Variants in ADCY10 observed in about 807,000 individuals in gnomAD.
The protein encoded by ADCY10 is adenylate cyclase type 10.
ADCY10 carries 156 observed loss-of-function variants against 183.3 expected under a neutral mutation model. The observed-to-expected ratio is 0.85, with a 90% CI of 0.75 to 0.97. The LOEUF is 0.97. ADCY10 is among the 50% of genes least tolerant of loss of function. The pLI, the probability that ADCY10 is intolerant of heterozygous loss-of-function variation, is 0.00. For synonymous variants in ADCY10, 645 were observed against 670.0 expected, an observed-to-expected ratio of 0.96 and a Z score of 0.58; for missense variants, 1,745 against 1,934.3, an observed-to-expected ratio of 0.90 and a Z score of 1.84.
chr1:167,848,538 T>C, intron 18 of ADCY10, 49 bp from the exon 19 acceptor site: 3 of 1,609,308 alleles, frequency 1.9e-6, no homozygotes, highest in Non-Finnish European at 2.5e-6. Context: ...TCCTGTCTTA[T>C]AAGGTCTGAT....
rs1429711428 is a variant in ADCY10 at position 167,856,175 on chromosome 1, C to A, written c.2161G>T (p.Glu721Ter). 1 of 1,613,980 alleles carries A rather than the reference C, an allele frequency of 6.2e-7. No homozygotes were observed. Among genetic ancestry groups the A allele is most frequent in the Non-Finnish European group, 8.5e-7 (1 of 1,179,858 alleles). Reference protein sequence around the residue: ...LDLNVSCISKELDSYLGEGSC... With the variant: ...LDLNVSCISK ...AAAGAGGTTACTTACGAGTCCAGTT[C>A]TTTGGAGATGCAGCTCACATTGAGG... Residue 721 changes from glutamate to a stop codon, truncating the protein, a stop_gained, in exon 17 of 33, where the codon GAA becomes TAA. Coordinates refer to ENST00000367851, the MANE Select transcript of ADCY10 (RefSeq NM_018417.6). LOFTEE classifies it high-confidence loss of function.
At chr1:167,910,059 A>G (rs955519247) in intron 1 of ADCY10, among the ~76,000 whole-genome samples, 5 of 152,200 alleles carry the variant, frequency 3.3e-5, no homozygotes, top group African/African-American at 9.7e-5. Flanking sequence ...TAAAAGGGCC[A>G]GGAACTGTTT....
At chr1:167,890,239 G>T (rs909069191) in intron 8 of ADCY10, among the ~76,000 whole-genome samples, 3 of 152,200 alleles carry the variant, frequency 2.0e-5, no homozygotes, top group Non-Finnish European at 2.9e-5. Flanking sequence ...CTTGGGTGTT[G>T]TGATCTAAGC....
chr1:167,874,712 C>T (rs1667332950), intron 13 of ADCY10, among the ~76,000 whole-genome samples: 1 of 152,248 alleles, frequency 6.6e-6, no homozygotes, highest in African/African-American at 2.4e-5. Context: ...CTGGAAATAA[C>T]CCAAATGTTG....
In ADCY10 at chr1:167,910,699, G is replaced by T. The variant is rs76038247; in HGVS notation, c.-59+3277C>A. Reference sequence around the variant, plus strand: ...TGACTGTAAACAGTATGTTCCGTAGGCATGGGTGCTCTGAAGTGGCTTCCA... The same window carrying T: ...TGACTGTAAACAGTATGTTCCGTAGTCATGGGTGCTCTGAAGTGGCTTCCA... On this transcript the variant is annotated intron_variant, in intron 1 of 32. Transcript: ENST00000367851. Among the ~76,000 whole-genome samples the T allele has an allele frequency of 4.5e-3, 686 of 152,266 alleles. 8 individuals carry two copies. In the East Asian group the frequency reaches 0.056, roughly 12 times the overall value.
At chr1:167,832,893 T>C (rs896855097) in intron 25 of ADCY10, 94 bp downstream of exon 25, 11 of 1,367,392 alleles carry the variant, frequency 8.0e-6, no homozygotes, top group Non-Finnish European at 1.0e-5. Flanking sequence ...TTGTGCCCCC[T>C]GGAGGCCAGG....
rs372074672 is a variant in ADCY10 at position 167,823,138 on chromosome 1, A to C, written c.4053-15T>G. On this transcript the variant is annotated splice_polypyrimidine_tract_variant and intron_variant, in intron 28 of 32. Transcript: ENST00000367851. ...ATTGCGGGTATCTATGGAAAAGAAA[A>C]GGTAGTGGCCATTAAAAAGTGGTGG... 11 of 1,609,510 alleles carry C rather than the reference A, an allele frequency of 6.8e-6. No individual in the cohort carries two copies. In the African/African-American group the frequency reaches 1.5e-4, roughly 22 times the overall value.
rs73022138 is a variant in ADCY10 at position 167,870,170 on chromosome 1, A to G, written c.1616+87T>C. 5.1e-3 allele frequency: 7,429 copies of G among 1,459,482 alleles called. 94 individuals are homozygous for G. The highest frequency in any genetic ancestry group is 0.039 in the African/African-American group (2,805 of 72,100). 90.4% of individuals were successfully genotyped at this position (1,459,482 alleles called of 1,614,324 possible). On this transcript the variant is annotated intron_variant, in intron 14 of 32. Coordinates refer to ENST00000367851, the MANE Select transcript of ADCY10 (RefSeq NM_018417.6). Reference sequence around the variant, plus strand: ...TAATTGTAGGTTATAGATAATTTACATAAGGCAAGTTATAGGAAGGAGAGG... The same window carrying G: ...TAATTGTAGGTTATAGATAATTTACGTAAGGCAAGTTATAGGAAGGAGAGG...
At chr1:167,857,815 TGTC>T (rs1316424602) in intron 16 of ADCY10, among the ~76,000 whole-genome samples, 1 of 152,194 alleles carries the variant, frequency 6.6e-6, no homozygotes, top group Non-Finnish European at 1.5e-5. Context: ...TCCAAAGACT[TGTC>T]AGTACATAAT....
At chr1:167,882,972 A>G (rs1265960849) in intron 9 of ADCY10, among the ~76,000 whole-genome samples, 2 of 152,246 alleles carry the variant, frequency 1.3e-5, no homozygotes, top group African/African-American at 2.4e-5. Context: ...TGCCTGGCAC[A>G]TAGTAAGTGC....
At position 167,846,039 on chromosome 1, in the gene ADCY10, G is replaced by A. The variant is rs751378337; in HGVS notation, c.2662C>T (p.Pro888Ser). The change falls in exon 20 of 33, where the codon CCC (proline) becomes TCC (serine). Residue 888 changes from proline to serine, a missense_variant. Transcript: ENST00000367851. ...GAACGATAGTGCACCTCAAATGAGG[G>A]ATCATTCTGTTTCAGGGCCTTTTGA... The part of the protein sequence containing the change: ...ELQKALKQND[P>S]SFEVHYRSLS... The A allele has an allele frequency of 1.9e-6, 3 of 1,614,080 alleles. No individual in the cohort carries two copies. The highest frequency in any genetic ancestry group is 2.7e-5 in the African/African-American group (2 of 74,924).
rs71301004 is a variant in ADCY10 at position 167,876,257 on chromosome 1, C to CAAA, written c.1407-1074_1407-1072dup. On this transcript the variant is annotated intron_variant, in intron 12 of 32. Transcript: ENST00000367851. ...GGGCAACAAAAGCAAAGCTCCATCT[C>CAAA]AAAAAAAAAAAAAAAAAAGTACTAC... 2.3e-3 allele frequency among the ~76,000 whole-genome samples: 198 copies of CAAA among 85,124 alleles called. 1 individual carries two copies. Among genetic ancestry groups the CAAA allele is most frequent in the Middle Eastern group, 6.8e-3 (1 of 146 alleles). The allele number at this position is 85,124 out of a possible 152,430, so 55.8% of individuals were successfully genotyped here.
At chr1:167,814,994 G>T (rs200021836) in intron 31 of ADCY10, among the ~76,000 whole-genome samples, 4 of 151,900 alleles carry the variant, frequency 2.6e-5, no homozygotes, top group African/African-American at 9.7e-5. Context: ...GCATGATGGC[G>T]GGTGCCTGTA....
intron 1 of ADCY10, among the ~76,000 whole-genome samples, chr1:167,910,847 G>A (rs11579897): frequency 0.15 from 23,353 of 152,138 alleles, 2,485 homozygotes; most frequent in African/African-American, 0.3. Flanking sequence ...TAGCTACCAA[G>A]CTTGTAAGAT....
chr1:167,845,114 A>G (rs1483222984), intron 21 of ADCY10, among the ~76,000 whole-genome samples: 1 of 152,098 alleles, frequency 6.6e-6, no homozygotes, highest in Non-Finnish European at 1.5e-5. Flanking sequence ...TGGAGCCCTG[A>G]CCTGCTTAGC....
At chr1:167,832,300 TACAC>T (rs1663793891) in intron 25 of ADCY10, among the ~76,000 whole-genome samples, 1 of 152,164 alleles carries the variant, frequency 6.6e-6, no homozygotes, top group African/African-American at 2.4e-5. Context: ...AATTCAAGCA[TACAC>T]ACAGCAAACA....
intron 30 of ADCY10, chr1:167,820,346 A>G: frequency 1.2e-6 from 1 of 813,750 alleles, no homozygotes; most frequent in East Asian, 3.0e-5. Context: ...GGGGCCGGCC[A>G]GAGGGGCGGG....
In ADCY10 at chr1:167,822,988, C is replaced by T; in HGVS notation, c.4168+20G>A. On this transcript the variant is annotated intron_variant, in intron 29 of 32. Coordinates refer to ENST00000367851, the MANE Select transcript of ADCY10 (RefSeq NM_018417.6). The stretch of plus-strand genomic sequence containing the variant: ...GTATCAACACCCCCAAGTTCTTTTA[C>T]ATCCCAAACCCACACTTACCAGAAT... 1.2e-6 allele frequency: 2 copies of T among 1,608,958 alleles called. No homozygotes were observed. The highest frequency in any genetic ancestry group is 1.7e-6 in the Non-Finnish European group (2 of 1,175,350).
At chr1:167,886,597 A>G (rs1241067840) in intron 8 of ADCY10, among the ~76,000 whole-genome samples, 1 of 152,226 alleles carries the variant, frequency 6.6e-6, no homozygotes, top group Non-Finnish European at 1.5e-5. Flanking sequence ...TAAAAACCCT[A>G]GAAGAAACCT....
Sources: allele counts gnomAD v4.1 joint callset (sites outside exome capture counted in the v4.1 genomes callset), GRCh38; gene constraint gnomAD v4.1.1; transcripts MANE v1.5; gene names NCBI Gene and HGNC (gene_info 2026-07-23, HGNC 2026-07-21).